The following PIK3R2 variants were observed in gnomAD, a reference collection of about 807,000 sequenced individuals.
The protein encoded by PIK3R2 is phosphatidylinositol 3-kinase regulatory subunit beta.
A neutral mutation model predicts 78.5 loss-of-function variants in PIK3R2; 40 were observed. The ratio of observed to expected loss-of-function variants is 0.51; its 90% CI spans 0.40 to 0.66. The LOEUF (loss-of-function observed/expected upper bound fraction) is 0.66, where lower values mean the gene tolerates loss of function less well. Ranked by LOEUF, PIK3R2 falls within the 30% of genes least tolerant of loss-of-function variation. PIK3R2 has a pLI of 0.00. For missense variants in PIK3R2, 880 were observed against 1,026.6 expected (o/e 0.86, Z 1.95); for synonymous variants, 473 against 457.7 (o/e 1.03, Z -0.43).
At position 18,167,249 on chromosome 19, in the gene PIK3R2, T is replaced by A. The variant is rs2147957817; in HGVS notation, c.1679T>A (p.Met560Lys). 1 of 1,612,426 alleles carries A rather than the reference T, an allele frequency of 6.2e-7. No homozygotes were observed. The highest frequency in any genetic ancestry group is 8.5e-7 in the Non-Finnish European group (1 of 1,179,380). ...ASDNREIDKRMNSLKPDLMQL... is the reference protein window; with the variant it reads ...ASDNREIDKRKNSLKPDLMQL... Reference sequence around the variant, plus strand: ...GACAACAGAGAGATCGACAAGCGCATGAACAGCCTCAAGCCGGACCTCATG... The same window carrying A: ...GACAACAGAGAGATCGACAAGCGCAAGAACAGCCTCAAGCCGGACCTCATG... The change falls in exon 13 of 16, where the codon ATG becomes AAG. Residue 560 changes from methionine to lysine, a missense_variant. Transcript: ENST00000222254. This position sits in a 1 kb window ranked among gnomAD's most constrained non-coding sequence, Gnocchi z 4.5.
At chr19:18,169,013 C>A in intron 15 of PIK3R2, 74 bp from the exon 16 acceptor site, 1 of 1,556,920 alleles carries the variant, frequency 6.4e-7, no homozygotes, top group Non-Finnish European at 8.8e-7. Flanking sequence ...GACAGGGGAG[C>A]ACGCGGCCCT....
At chr19:18,160,324 C>T (rs1191368944) in intron 2 of PIK3R2, 147 bp from the exon 3 acceptor site, 1 of 636,660 alleles carries the variant, frequency 1.6e-6, no homozygotes, top group Non-Finnish European at 2.8e-6. Flanking sequence ...CTTGCAGCCT[C>T]CTGCGGATGG....
chr19:18,157,278 C>T (rs976155975), intron 2 of PIK3R2, among the ~76,000 whole-genome samples: 5 of 152,198 alleles, frequency 3.3e-5, no homozygotes, highest in Non-Finnish European at 7.3e-5. Flanking sequence ...GAGGTGGCCC[C>T]GTCTGGGCTC....
chr19:18,165,973 G>C (rs181907733), intron 11 of PIK3R2, 187 bp from the exon 12 acceptor site: 1 of 751,206 alleles, frequency 1.3e-6, no homozygotes, highest in African/African-American at 1.7e-5. Context: ...AGAAGAAGAG[G>C]GTTTGGGGGG....
rs556014963 is a variant in PIK3R2, at chr19:18,161,227, C to T, written c.598+42C>T. ...GCCCGGGGGAAGGAGGGGGCTGTAG[C>T]GGGTGGGAGGGCCCAGGCCTGGCTC... On this transcript the variant is annotated intron_variant, in intron 5 of 15. Coordinates refer to ENST00000222254, the MANE Select transcript of PIK3R2 (RefSeq NM_005027.4). This position sits in a 1 kb window ranked among gnomAD's most constrained non-coding sequence, Gnocchi z 5.3. 3.3e-6 allele frequency: 5 copies of T among 1,518,444 alleles called. No homozygotes were observed. In the African/African-American group the frequency reaches 4.1e-5, roughly 13 times the overall value. The allele number at this position is 1,518,444 out of a possible 1,614,324, so 94.1% of individuals were successfully genotyped here. A position where few individuals can be genotyped will look rare whatever the true frequency, so the allele number is the denominator to read the frequency against.
At position 18,168,208 on chromosome 19, in the gene PIK3R2, G is replaced by T. The variant is rs1277633746; in HGVS notation, c.1737-267G>T. The stretch of plus-strand genomic sequence containing the variant: ...AGCCTCTGGTGATGATGAGGGGCCT[G>T]GGCTGGCATCTTCTTGGGGGACTCC... On this transcript the variant is annotated intron_variant, in intron 13 of 15. Coordinates refer to ENST00000222254, the MANE Select transcript of PIK3R2 (RefSeq NM_005027.4). The surrounding 1 kb of genome is among the most constrained non-coding windows in gnomAD (Gnocchi z 4.1). 6.6e-6 allele frequency among the ~76,000 whole-genome samples: 1 copy of T among 152,168 alleles called. No individual in the cohort carries two copies. Among genetic ancestry groups the T allele is most frequent in the Non-Finnish European group, 1.5e-5 (1 of 68,018 alleles).
intron 15 of PIK3R2, 32 bp from the exon 16 acceptor site, chr19:18,169,055 C>T (rs371707706): frequency 1.1e-5 from 18 of 1,592,568 alleles, no homozygotes; most frequent in Non-Finnish European, 1.5e-5. Flanking sequence ...GGAGGCCAGC[C>T]TTCCGACTCC....
Position 18,161,808 on chromosome 19 carries a change from G to A in PIK3R2, c.816-158G>A, listed in dbSNP as rs1277896253. On this transcript the variant is annotated intron_variant, in intron 6 of 15. Coordinates refer to ENST00000222254, the MANE Select transcript of PIK3R2 (RefSeq NM_005027.4). This position sits in a 1 kb window ranked among gnomAD's most constrained non-coding sequence, Gnocchi z 5.3. Reference sequence around the variant, plus strand: ...GCACTTACTGCATACAGCTATGAGGGAGCTGGCCTCGCACATGTGCCTGTA... The same window carrying A: ...GCACTTACTGCATACAGCTATGAGGAAGCTGGCCTCGCACATGTGCCTGTA... Among the ~76,000 whole-genome samples the A allele has an allele frequency of 6.6e-6, 1 of 152,194 alleles. No individual in the cohort carries two copies. Among genetic ancestry groups the A allele is most frequent in the Non-Finnish European group, 1.5e-5 (1 of 68,012 alleles).
rs573280984 is a variant in PIK3R2, at chr19:18,162,735, A to T, written c.1109+229A>T. On this transcript the variant is annotated intron_variant, in intron 9 of 15. Coordinates refer to ENST00000222254, the MANE Select transcript of PIK3R2 (RefSeq NM_005027.4). ...CCCGTCTCTACTAAAAAATTAAAAAAAAAAATTAGCCAGGCATGGTGATGG... is the reference window on the plus strand; with the variant it reads ...CCCGTCTCTACTAAAAAATTAAAAATAAAAATTAGCCAGGCATGGTGATGG... 207 of 602,788 alleles carry T rather than the reference A, an allele frequency of 3.4e-4. 1 individual carries two copies. Among genetic ancestry groups the T allele is most frequent in the Admixed American group, 9.4e-4 (31 of 33,102 alleles). 37.3% of individuals were successfully genotyped at this position (602,788 alleles called of 1,614,324 possible).
In PIK3R2 at chr19:18,168,235, T is replaced by C. The variant is rs1464733968; in HGVS notation, c.1737-240T>C. ...GCTGGCATCTTCTTGGGGGACTCCA[T>C]AGGCGTTAACAGAAACAAAAAAATG... On this transcript the variant is annotated intron_variant, in intron 13 of 15. Transcript: ENST00000222254. The surrounding 1 kb of genome is among the most constrained non-coding windows in gnomAD (Gnocchi z 4.1). Among the ~76,000 whole-genome samples the C allele has an allele frequency of 6.6e-6, 1 of 152,020 alleles. No individual in the cohort carries two copies. The highest frequency in any genetic ancestry group is 2.4e-5 in the African/African-American group (1 of 41,384).
chr19:18,154,176 C>A (rs191292727), intron 1 of PIK3R2, among the ~76,000 whole-genome samples: 1 of 152,188 alleles, frequency 6.6e-6, no homozygotes, highest in African/African-American at 2.4e-5. Context: ...TAGAACAGCA[C>A]GTCCATCCCC....
chr19:18,167,290 C>T lies in PIK3R2; in HGVS notation c.1720C>T (p.Arg574Ter). The T allele has an allele frequency of 6.2e-7, 1 of 1,600,530 alleles. No homozygotes were observed. Among genetic ancestry groups the T allele is most frequent in the Non-Finnish European group, 8.5e-7 (1 of 1,173,958 alleles). ...KPDLMQLRKIRDQYLVWLTQK... is the reference protein window; with the variant it reads ...KPDLMQLRKI Reference sequence around the variant, plus strand: ...GGACCTCATGCAGCTGCGCAAGATCCGAGACCAGTACCTCGTGTAAGTGGC... The same window carrying T: ...GGACCTCATGCAGCTGCGCAAGATCTGAGACCAGTACCTCGTGTAAGTGGC... Residue 574 changes from arginine (R) to a stop codon, truncating the protein, a stop_gained, in exon 13 of 16, where the codon CGA becomes TGA. Transcript: ENST00000222254. LOFTEE classifies it high-confidence loss of function. The surrounding 1 kb of genome is among the most constrained non-coding windows in gnomAD (Gnocchi z 4.5).
At position 18,169,897 on chromosome 19, in the gene PIK3R2, C is replaced by T; in HGVS notation, c.*603C>T. On this transcript the variant is annotated 3_prime_UTR_variant, in exon 16 of 16. Transcript: ENST00000222254. ...CAAGGGGGCCGCTGCGAGAAGTTCACCCACCCCCGAAAAAATAATTAAACT... is the reference window on the plus strand; with the variant it reads ...CAAGGGGGCCGCTGCGAGAAGTTCATCCACCCCCGAAAAAATAATTAAACT... 1 of 196,404 alleles carries T rather than the reference C, an allele frequency of 5.1e-6. No homozygotes were observed. 12.2% of individuals were successfully genotyped at this position (196,404 alleles called of 1,614,324 possible).
rs181907733 is a variant in PIK3R2 at position 18,165,973 on chromosome 19, G to A, written c.1417-187G>A. ...TATAGGAGGATGTAAAGAAGAAGAG[G>A]GTTTGGGGGGTGGGGTTTTGAAGGC... On this transcript the variant is annotated intron_variant, in intron 11 of 15. Transcript: ENST00000222254. 47 of 751,324 alleles carry A rather than the reference G, an allele frequency of 6.3e-5. No homozygotes were observed. The Admixed American group carries it at 7.4e-4, about 12-fold the overall frequency. The allele number at this position is 751,324 out of a possible 1,614,324, so 46.5% of individuals were successfully genotyped here.
intron 1 of PIK3R2, among the ~76,000 whole-genome samples, chr19:18,155,054 A>G (rs2043662716): frequency 6.6e-6 from 1 of 152,016 alleles, no homozygotes; most frequent in African/African-American, 2.4e-5. Flanking sequence ...TCTCTACTAA[A>G]AATACAAAAA....
intron 11 of PIK3R2, among the ~76,000 whole-genome samples, chr19:18,164,644 T>G (rs1373380760): frequency 1.3e-5 from 2 of 150,280 alleles, no homozygotes; most frequent in Non-Finnish European, 1.5e-5. Context: ...TGTTTTGTTT[T>G]TTTTTTTTTG....
Position 18,162,196 on chromosome 19 carries a change from C to A in PIK3R2, c.902-6C>A, listed in dbSNP as rs2147951727. On this transcript the variant is annotated splice_polypyrimidine_tract_variant and splice_region_variant and intron_variant, in intron 7 of 15. Transcript: ENST00000222254. ...CTCAGGATGCATTTGTTTTCCTGTC[C>A]CCCAGCGCTGCCGCCTAAACCCCCC... 1.3e-6 allele frequency: 2 copies of A among 1,516,184 alleles called. No homozygotes were observed. The highest frequency in any genetic ancestry group is 1.8e-6 in the Non-Finnish European group (2 of 1,093,908). The allele number at this position is 1,516,184 out of a possible 1,614,324, so 93.9% of individuals were successfully genotyped here.
In PIK3R2 at chr19:18,161,953, C is replaced by T; in HGVS notation, c.816-13C>T. On this transcript the variant is annotated splice_polypyrimidine_tract_variant and intron_variant, in intron 6 of 15. Coordinates refer to ENST00000222254, the MANE Select transcript of PIK3R2 (RefSeq NM_005027.4). The surrounding 1 kb of genome is among the most constrained non-coding windows in gnomAD (Gnocchi z 5.3). ...CCCTACCCAGCCCTCACCACACTCC[C>T]CTTCCCCCTAAGGAGTGAGCCCAGC... The T allele has an allele frequency of 1.2e-6, 2 of 1,612,304 alleles. No individual in the cohort carries two copies. The highest frequency in any genetic ancestry group is 2.2e-5 in the East Asian group (1 of 44,864).
At position 18,155,999 on chromosome 19, in the gene PIK3R2, G is replaced by T; in HGVS notation, c.120G>T (p.Ala40=). The T allele has an allele frequency of 6.4e-7, 1 of 1,558,542 alleles. No individual in the cohort carries two copies. Among genetic ancestry groups the T allele is most frequent in the Non-Finnish European group, 8.7e-7 (1 of 1,151,628 alleles). Reference sequence around the variant, plus strand: ...TAGTGAGCCGGGCGGCCTTGCAGGCGCTGGGCGTGGCCGAGGGTGGCGAGC... The same window carrying T: ...TAGTGAGCCGGGCGGCCTTGCAGGCTCTGGGCGTGGCCGAGGGTGGCGAGC... ...VLVVSRAALQ[A]LGVAEGGERC... Residue 40 remains alanine (A), a synonymous_variant, in exon 2 of 16, where the codon GCG becomes GCT. Coordinates refer to ENST00000222254, the MANE Select transcript of PIK3R2 (RefSeq NM_005027.4).
Sources: allele counts gnomAD v4.1 joint callset (sites outside exome capture counted in the v4.1 genomes callset), GRCh38; gene constraint gnomAD v4.1.1; non-coding constraint Gnocchi (gnomAD v3.1); transcripts MANE v1.5; gene names NCBI Gene and HGNC (gene_info 2026-07-23, HGNC 2026-07-21).